RABGAP1L: variants seen among roughly 807,000 people sequenced by gnomAD.
RABGAP1L encodes rab GTPase-activating protein 1-like.
RABGAP1L carries 63 observed loss-of-function variants against 137.7 expected under a neutral mutation model. The ratio of observed to expected loss-of-function variants is 0.46; its 90% CI spans 0.37 to 0.56. The LOEUF is 0.56. Among genes scored for constraint, RABGAP1L ranks in the 20% least tolerant of loss-of-function variants. RABGAP1L has a pLI of 0.00. For synonymous variants in RABGAP1L, 431 were observed against 433.7 expected, an observed-to-expected ratio of 0.99 and a Z score of 0.08; for missense variants, 1,095 against 1,244.0, an observed-to-expected ratio of 0.88 and a Z score of 1.80.
At chr1:174,849,583 C>A in intron 19 of RABGAP1L, 1 of 353,232 alleles carries the variant, frequency 2.8e-6, no homozygotes, top group South Asian at 2.3e-5. Flanking sequence ...TAGCATTAAA[C>A]ACATGGTAAT....
At chr1:174,542,992 C>T (rs892417660) in intron 13 of RABGAP1L, among the ~76,000 whole-genome samples, 2 of 152,118 alleles carry the variant, frequency 1.3e-5, no homozygotes, top group African/African-American at 4.8e-5. Context: ...TTAACATTTG[C>T]AGAGGAGTGC....
chr1:174,939,746 T>C (rs1400285009), intron 19 of RABGAP1L, among the ~76,000 whole-genome samples: 1 of 152,216 alleles, frequency 6.6e-6, no homozygotes, highest in African/African-American at 2.4e-5. Flanking sequence ...AATTTTCTCA[T>C]TTAGGTAACA....
chr1:174,622,247 G>C lies in RABGAP1L; in HGVS notation c.1711-15128G>C, dbSNP rs370560785. ...GTGGAGAAATAGGAACACTTTTACA[G>C]TGTTGGTGGGACTGTAAACTAGTTC... On this transcript the variant is annotated intron_variant, in intron 13 of 25. Transcript: ENST00000681986. Among the ~76,000 whole-genome samples, 210 of 152,252 alleles carry C rather than the reference G, an allele frequency of 1.4e-3. 1 individual carries two copies. Among genetic ancestry groups the C allele is most frequent in the African/African-American group, 3.6e-3 (150 of 41,558 alleles).
rs1324314049 is a variant in RABGAP1L, at chr1:174,993,730, A to T, written c.*3729A>T. On this transcript the variant is annotated 3_prime_UTR_variant, in exon 26 of 26. Coordinates refer to ENST00000681986, the MANE Select transcript of RABGAP1L (RefSeq NM_001366446.1). ...GGCCCCTTTAAGGGAAAAAACTTTT[A>T]AAAAATTAAATGCCTTGGTTTTGTT... 2 of 152,242 alleles carry T rather than the reference A, an allele frequency of 1.3e-5. No individual in the cohort carries two copies. The highest frequency in any genetic ancestry group is 6.5e-5 in the Admixed American group (1 of 15,282). 9.4% of individuals were successfully genotyped at this position (152,242 alleles called of 1,614,324 possible). A position where few individuals can be genotyped will look rare whatever the true frequency, so the allele number is the denominator to read the frequency against.
rs533716511 is a variant in RABGAP1L, at chr1:174,686,648, C to CTTTT, written c.1899+3076_1899+3079dup. ...GAAGCTTTGGTTTGAACAAAGCAAT[C>CTTTT]TTTTTTTTTTTTTTTTTTTTTTTTT... On this transcript the variant is annotated intron_variant, in intron 15 of 25. Coordinates refer to ENST00000681986, the MANE Select transcript of RABGAP1L (RefSeq NM_001366446.1). 3.1e-3 allele frequency among the ~76,000 whole-genome samples: 323 copies of CTTTT among 105,832 alleles called. 72 individuals carry two copies. The highest frequency in any genetic ancestry group is 0.028 in the East Asian group (82 of 2,890). The allele number at this position is 105,832 out of a possible 152,430, so 69.4% of individuals were successfully genotyped here. A position where few individuals can be genotyped will look rare whatever the true frequency, so the allele number is the denominator to read the frequency against.
At chr1:174,288,378 T>C (rs1676261792) in intron 10 of RABGAP1L, among the ~76,000 whole-genome samples, 1 of 152,224 alleles carries the variant, frequency 6.6e-6, no homozygotes, top group Non-Finnish European at 1.5e-5. Flanking sequence ...TGGCATTTCT[T>C]ATAAGGCAGA....
intron 19 of RABGAP1L, among the ~76,000 whole-genome samples, chr1:174,946,312 T>G (rs1666755096): frequency 6.6e-6 from 1 of 152,178 alleles, no homozygotes; most frequent in Non-Finnish European, 1.5e-5. Context: ...TGTAACATAG[T>G]GTATGACTAA....
intron 13 of RABGAP1L, among the ~76,000 whole-genome samples, chr1:174,568,148 A>G (rs539361531): frequency 6.6e-6 from 1 of 152,054 alleles, no homozygotes; most frequent in Admixed American, 6.6e-5. Flanking sequence ...GAGCCAGCGC[A>G]TCACATGATG....
intron 19 of RABGAP1L, among the ~76,000 whole-genome samples, chr1:174,912,198 G>C (rs1421215161): frequency 6.6e-6 from 1 of 152,176 alleles, no homozygotes; most frequent in Non-Finnish European, 1.5e-5. Context: ...GGAGTGCAGT[G>C]GTGGTGCTAA....
intron 13 of RABGAP1L, among the ~76,000 whole-genome samples, chr1:174,602,482 G>A (rs1035760042): frequency 6.6e-6 from 1 of 152,142 alleles, no homozygotes; most frequent in Admixed American, 6.5e-5. Context: ...CTCCACCTGG[G>A]TTCCTCCCAC....
At chr1:174,650,265 T>C (rs1034987231) in intron 14 of RABGAP1L, among the ~76,000 whole-genome samples, 4 of 152,182 alleles carry the variant, frequency 2.6e-5, no homozygotes, top group African/African-American at 9.7e-5. Flanking sequence ...TTTGCATCAG[T>C]GTTCACCAAG....
chr1:174,622,773 G>A (rs1672627046), intron 13 of RABGAP1L, among the ~76,000 whole-genome samples: 1 of 152,196 alleles, frequency 6.6e-6, no homozygotes, highest in Admixed American at 6.5e-5. Context: ...GTTAATGGGT[G>A]CAGCACACCA....
chr1:174,665,790 G>A (rs1351901788), intron 14 of RABGAP1L, among the ~76,000 whole-genome samples: 1 of 151,984 alleles, frequency 6.6e-6, no homozygotes, highest in Admixed American at 6.6e-5. Flanking sequence ...ATAAAATTGA[G>A]GATAATAAGA....
chr1:174,467,988 G>T (rs907675463), intron 13 of RABGAP1L, among the ~76,000 whole-genome samples: 3 of 152,026 alleles, frequency 2.0e-5, no homozygotes, highest in African/African-American at 7.2e-5. Context: ...TTATAAAATC[G>T]TGAAATCTTA....
chr1:174,685,518 G>C (rs919220611), intron 15 of RABGAP1L, among the ~76,000 whole-genome samples: 1 of 151,850 alleles, frequency 6.6e-6, no homozygotes, highest in African/African-American at 2.4e-5. Context: ...CTCCCAAAGT[G>C]CTGGGATTAC....
At chr1:174,558,547 C>CAATT (rs1667020322) in intron 13 of RABGAP1L, among the ~76,000 whole-genome samples, 1 of 152,042 alleles carries the variant, frequency 6.6e-6, no homozygotes, top group South Asian at 2.1e-4. Flanking sequence ...AAAGGAAGAC[C>CAATT]AATTAATGGT....
intron 13 of RABGAP1L, among the ~76,000 whole-genome samples, chr1:174,441,150 G>A (rs1414311538): frequency 6.6e-6 from 1 of 151,512 alleles, no homozygotes; most frequent in African/African-American, 2.4e-5. Flanking sequence ...AGTTTGGGCT[G>A]TTTCAAGTAA....
intron 17 of RABGAP1L, among the ~76,000 whole-genome samples, chr1:174,724,037 C>T (rs1008370481): frequency 6.6e-6 from 1 of 152,212 alleles, no homozygotes; most frequent in Admixed American, 6.5e-5. Flanking sequence ...TTGTTGCTTT[C>T]ATAAGTTTGT....
chr1:174,295,358 G>A (rs1282068728), intron 10 of RABGAP1L, among the ~76,000 whole-genome samples: 1 of 151,868 alleles, frequency 6.6e-6, no homozygotes, highest in Non-Finnish European at 1.5e-5. Context: ...GACTACAGGT[G>A]TGTGCCACCA....
Sources: gnomAD v4.1 joint callset for allele counts (sites outside exome capture counted in the v4.1 genomes callset) on GRCh38, gnomAD v4.1.1 for gene constraint, MANE v1.5 for transcripts, NCBI Gene and HGNC (gene_info 2026-07-23, HGNC 2026-07-21) for gene names.